Variants in EBF2 observed in about 807,000 individuals in gnomAD.
EBF2 encodes EBF transcription factor 2, also known as transcription factor COE2.
Under a neutral mutation model 72.8 loss-of-function variants are expected in EBF2, and 21 were observed. That is an observed-to-expected ratio of 0.29 (90% CI 0.20 to 0.42). EBF2 has a LOEUF of 0.42. Among genes scored for constraint, EBF2 ranks in the 10% least tolerant of loss-of-function variants. EBF2 has a pLI of 1.00. For synonymous variants in EBF2, 299 were observed against 274.2 expected (o/e 1.09, Z -0.89); for missense variants, 637 against 731.2 (o/e 0.87, Z 1.49).
chr8:25,850,212 A>T (rs573915269), intron 15 of EBF2, among the ~76,000 whole-genome samples: 11 of 152,306 alleles, frequency 7.2e-5, no homozygotes, highest in African/African-American at 2.4e-4. Flanking sequence ...TCCTAGGTTC[A>T]AGCGATTCTT....
At chr8:25,904,261 G>A (rs1389758363) in intron 7 of EBF2, among the ~76,000 whole-genome samples, 1 of 142,590 alleles carries the variant, frequency 7.0e-6, no homozygotes, top group African/African-American at 2.6e-5. Context: ...AGGTTAAAAA[G>A]GGTTAAAAGG....
chr8:25,976,203 G>T (rs1804265307), intron 6 of EBF2, among the ~76,000 whole-genome samples: 1 of 152,168 alleles, frequency 6.6e-6, no homozygotes, highest in South Asian at 2.1e-4. Flanking sequence ...GCTTTTCATA[G>T]ATGTGGTTGA....
At chr8:25,923,923 G>A (rs1803344520) in intron 6 of EBF2, among the ~76,000 whole-genome samples, 1 of 109,630 alleles carries the variant, frequency 9.1e-6, no homozygotes, top group Non-Finnish European at 2.3e-5. Context: ...TGGGCTGAAT[G>A]TTTATGCTTC....
intron 10 of EBF2, among the ~76,000 whole-genome samples, chr8:25,885,140 C>T (rs567017713): frequency 8.6e-5 from 13 of 151,994 alleles, no homozygotes; most frequent in East Asian, 3.9e-4. Flanking sequence ...AGTTACTCTT[C>T]GTTGCACAGA....
At chr8:26,006,755 G>A (rs1804889141) in intron 6 of EBF2, among the ~76,000 whole-genome samples, 1 of 152,156 alleles carries the variant, frequency 6.6e-6, no homozygotes, top group African/African-American at 2.4e-5. Context: ...CTTTTTAAGA[G>A]ACTGGAAATA....
chr8:26,012,136 T>C (rs937302615), intron 6 of EBF2, among the ~76,000 whole-genome samples: 4 of 152,208 alleles, frequency 2.6e-5, no homozygotes, highest in Non-Finnish European at 4.4e-5. Context: ...CTAGAGTTCC[T>C]GTGTCACAGA....
At chr8:25,853,024 A>C (rs1429497675) in intron 14 of EBF2, among the ~76,000 whole-genome samples, 2 of 152,196 alleles carry the variant, frequency 1.3e-5, no homozygotes, top group African/African-American at 4.8e-5. Flanking sequence ...ATTAATACTT[A>C]ATAAAGGTGA....
rs1338220597 is a variant in EBF2, at chr8:25,844,712, G to A, written c.1697-72C>T. 33 of 1,572,894 alleles carry A rather than the reference G, an allele frequency of 2.1e-5. No homozygotes were observed. The East Asian group carries it at 7.2e-4, about 34-fold the overall frequency. ...GTTCAAGGCTATGACACAGAATGAG[G>A]GGCAGGGGATGGGAATGATAGAGTC... On this transcript the variant is annotated intron_variant, in intron 15 of 15. Transcript: ENST00000520164.
chr8:25,997,957 C>T (rs1804664028), intron 6 of EBF2, among the ~76,000 whole-genome samples: 1 of 152,098 alleles, frequency 6.6e-6, no homozygotes, highest in African/African-American at 2.4e-5. Flanking sequence ...AAAATATATA[C>T]ATCTTAAAAG....
intron 6 of EBF2, among the ~76,000 whole-genome samples, chr8:25,932,804 T>C (rs1466896296): frequency 1.4e-5 from 2 of 143,428 alleles, no homozygotes; most frequent in Non-Finnish European, 3.1e-5. Context: ...AGAAGCAGAC[T>C]TTTTTTTTTT....
chr8:25,910,836 G>T (rs1320063673), intron 6 of EBF2, among the ~76,000 whole-genome samples: 1 of 152,126 alleles, frequency 6.6e-6, no homozygotes. Context: ...GGAGGTGAGT[G>T]AGAGAAGACA....
At chr8:25,897,486 T>A (rs147981067) in intron 7 of EBF2, among the ~76,000 whole-genome samples, 1 of 152,168 alleles carries the variant, frequency 6.6e-6, no homozygotes, top group Admixed American at 6.5e-5. Context: ...TAATTCCTAA[T>A]AGGTAGTTTT....
chr8:25,877,419 G>C (rs976562215), intron 10 of EBF2, among the ~76,000 whole-genome samples: 5 of 152,160 alleles, frequency 3.3e-5, no homozygotes, highest in Non-Finnish European at 7.3e-5. Flanking sequence ...TTCTCACGTG[G>C]CTCTCTCAAT....
intron 7 of EBF2, among the ~76,000 whole-genome samples, chr8:25,892,980 C>T (rs541105756): frequency 5.3e-5 from 8 of 152,100 alleles, no homozygotes; most frequent in Admixed American, 1.3e-4. Flanking sequence ...ATTAAGATGG[C>T]GGCATCTATC....
chr8:25,940,822 C>T (rs1312906083), intron 6 of EBF2, among the ~76,000 whole-genome samples: 1 of 152,000 alleles, frequency 6.6e-6, no homozygotes, highest in Non-Finnish European at 1.5e-5. Flanking sequence ...TTCCATGTGC[C>T]TCTTGAGGGA....
intron 14 of EBF2, among the ~76,000 whole-genome samples, chr8:25,852,557 G>A (rs1237463141): frequency 1.3e-5 from 2 of 152,124 alleles, no homozygotes; most frequent in Admixed American, 6.6e-5. Flanking sequence ...CACTAGTACA[G>A]ATAATTATTT....
rs571691089 is a variant in EBF2, at chr8:25,843,921, A to T, written c.*688T>A. 3.9e-5 allele frequency: 6 copies of T among 152,128 alleles called. No homozygotes were observed. Among genetic ancestry groups the T allele is most frequent in the Admixed American group, 6.6e-5 (1 of 15,256 alleles). 9.4% of individuals were successfully genotyped at this position (152,128 alleles called of 1,614,324 possible). A position where few individuals can be genotyped will look rare whatever the true frequency, so the allele number is the denominator to read the frequency against. ...AAACTTGTTACTACATGTTTGCATC[A>T]TTTTCATTTTACATCAGGAAGAGAA... On this transcript the variant is annotated 3_prime_UTR_variant, in exon 16 of 16. Transcript: ENST00000520164.
At position 25,864,524 on chromosome 8, in the gene EBF2, A is replaced by C. The variant is rs539739534; in HGVS notation, c.1010-1727T>G. Among the ~76,000 whole-genome samples the C allele has an allele frequency of 8.8e-5, 13 of 148,370 alleles. No individual in the cohort carries two copies. The East Asian group carries it at 2.4e-3, about 27-fold the overall frequency. ...CAAACACACACACACACACACACAC[A>C]CAAATGTATATGTACACACCTATGT... On this transcript the variant is annotated intron_variant, in intron 10 of 15. Transcript: ENST00000520164.
chr8:25,877,253 C>T (rs1238917203), intron 10 of EBF2, among the ~76,000 whole-genome samples: 2 of 152,150 alleles, frequency 1.3e-5, no homozygotes, highest in Admixed American at 1.3e-4. Flanking sequence ...CTGTTGGGTG[C>T]CCCTACTAGG....
Sources: gnomAD v4.1 joint callset for allele counts (sites outside exome capture counted in the v4.1 genomes callset) on GRCh38, gnomAD v4.1.1 for gene constraint, MANE v1.5 for transcripts, NCBI Gene and HGNC (gene_info 2026-07-23, HGNC 2026-07-21) for gene names.